The following CADM2 variants were observed in gnomAD, a reference collection of about 807,000 sequenced individuals.
CADM2 encodes the protein cell adhesion molecule 2, also known as immunoglobulin superfamily member 4D.
Under a neutral mutation model 49.8 loss-of-function variants are expected in CADM2, and 12 were observed. That is an observed-to-expected ratio of 0.24 (90% CI 0.15 to 0.39). The LOEUF (loss-of-function observed/expected upper bound fraction) is 0.39. Ranked by LOEUF, CADM2 falls within the 10% of genes least tolerant of loss-of-function variation. The probability of loss-of-function intolerance (pLI) is 1.00; values close to 1 mark genes in which losing one functional copy is unlikely to be tolerated. For missense variants in CADM2, 378 were observed against 492.3 expected (o/e 0.77, Z 2.20); for synonymous variants, 214 against 175.4 (o/e 1.22, Z -1.74).
At chr3:85,881,822 T>C (rs888451450) in intron 3 of CADM2, among the ~76,000 whole-genome samples, 13 of 152,114 alleles carry the variant, frequency 8.5e-5, no homozygotes, top group African/African-American at 2.9e-4. Flanking sequence ...GGGCGGTATG[T>C]GTGGGGGATG....
intron 1 of CADM2, among the ~76,000 whole-genome samples, chr3:85,576,073 G>A (rs2062625048): frequency 6.6e-6 from 1 of 152,088 alleles, no homozygotes; most frequent in South Asian, 2.1e-4. Flanking sequence ...AAATGATTTT[G>A]CATTTCTATA....
intron 6 of CADM2, among the ~76,000 whole-genome samples, chr3:85,929,305 G>C (rs1288822733): frequency 6.6e-6 from 1 of 151,928 alleles, no homozygotes; most frequent in African/African-American, 2.4e-5. Context: ...ATTTGGTTTA[G>C]AAAATATTCC....
intron 1 of CADM2, among the ~76,000 whole-genome samples, chr3:85,545,341 A>G (rs1158713236): frequency 6.6e-6 from 1 of 152,166 alleles, no homozygotes; most frequent in Non-Finnish European, 1.5e-5. Context: ...TGTGTATTCC[A>G]CACACAGTCT....
chr3:85,828,366 T>C (rs539229284), intron 3 of CADM2, among the ~76,000 whole-genome samples: 2 of 152,064 alleles, frequency 1.3e-5, no homozygotes, highest in Non-Finnish European at 2.9e-5. Flanking sequence ...ATAGGAATTT[T>C]AAAACAGGAA....
At chr3:85,396,206 T>C (rs1280884035) in intron 1 of CADM2, among the ~76,000 whole-genome samples, 2 of 151,748 alleles carry the variant, frequency 1.3e-5, no homozygotes, top group East Asian at 1.9e-4. Flanking sequence ...CATCGGTAAA[T>C]GTAGATTAGT....
intron 8 of CADM2, among the ~76,000 whole-genome samples, chr3:86,037,310 A>T (rs1406153177): frequency 6.6e-6 from 1 of 152,228 alleles, no homozygotes; most frequent in East Asian, 1.9e-4. Context: ...GCACAAGAAG[A>T]AATGTTGGCA....
Position 85,770,758 on chromosome 3 carries a change from A to C in CADM2, c.89-31289A>C, listed in dbSNP as rs902885268. On this transcript the variant is annotated intron_variant, in intron 2 of 9. Transcript: ENST00000383699. ...CTGTAATTGTCTGGGCTATCCCTTCAAATTTGTTAACTAACTTCCTTTCTC... is the reference window on the plus strand; with the variant it reads ...CTGTAATTGTCTGGGCTATCCCTTCCAATTTGTTAACTAACTTCCTTTCTC... Among the ~76,000 whole-genome samples the C allele has an allele frequency of 2.0e-5, 3 of 152,270 alleles. No individual in the cohort carries two copies. The East Asian group carries it at 5.8e-4, about 29-fold the overall frequency.
chr3:85,384,502 C>T (rs1395881365), intron 1 of CADM2, among the ~76,000 whole-genome samples: 1 of 151,822 alleles, frequency 6.6e-6, no homozygotes. Context: ...TTAGTAGAGA[C>T]GAGGTTTCAC....
At chr3:85,687,415 A>G (rs1227536750) in intron 1 of CADM2, among the ~76,000 whole-genome samples, 1 of 152,166 alleles carries the variant, frequency 6.6e-6, no homozygotes, top group East Asian at 1.9e-4. Flanking sequence ...AGAATTGTGG[A>G]GAGAAAAACG....
chr3:84,972,202 A>T (rs2107095982), intron 1 of CADM2, among the ~76,000 whole-genome samples: 1 of 152,330 alleles, frequency 6.6e-6, no homozygotes. Context: ...TTGGAACCAC[A>T]TTCATTCTTT....
intron 2 of CADM2, among the ~76,000 whole-genome samples, chr3:85,780,168 G>T (rs985089175): frequency 3.9e-5 from 6 of 152,002 alleles, no homozygotes; most frequent in African/African-American, 1.4e-4. Flanking sequence ...CATTTGCTTT[G>T]TTAATGCTGC....
intron 2 of CADM2, among the ~76,000 whole-genome samples, chr3:85,782,685 AG>A (rs1364879905): frequency 4.6e-5 from 7 of 151,912 alleles, no homozygotes; most frequent in Non-Finnish European, 8.8e-5. Flanking sequence ...AAAAGAAAAA[AG>A]AAATATACTC....
At chr3:85,705,928 C>T (rs1043107145) in intron 1 of CADM2, among the ~76,000 whole-genome samples, 30 of 152,154 alleles carry the variant, frequency 2.0e-4, no homozygotes, top group African/African-American at 7.0e-4. Flanking sequence ...ATAACTTGCT[C>T]ATTGTGGCAT....
At chr3:85,038,752 C>T (rs952886680) in intron 1 of CADM2, among the ~76,000 whole-genome samples, 1 of 152,064 alleles carries the variant, frequency 6.6e-6, no homozygotes, top group Non-Finnish European at 1.5e-5. Flanking sequence ...CAGCAAATCA[C>T]TCAATTATAA....
At chr3:85,158,096 A>C (rs1403666530) in intron 1 of CADM2, among the ~76,000 whole-genome samples, 3 of 152,258 alleles carry the variant, frequency 2.0e-5, no homozygotes, top group Non-Finnish European at 4.4e-5. Context: ...AAAAATGCTC[A>C]CCATCACTGG....
At position 85,217,918 on chromosome 3, in the gene CADM2, A is replaced by T. The variant is rs2041963673; in HGVS notation, c.61+258250A>T. On this transcript the variant is annotated intron_variant, in intron 1 of 9. Coordinates refer to ENST00000383699, the MANE Select transcript of CADM2 (RefSeq NM_001167675.2). The stretch of plus-strand genomic sequence containing the variant: ...TTAGCCTTTTAAATAATTTTAACAT[A>T]ATGGTCACCTTTTTTATTCTCTTTA... 2.0e-5 allele frequency among the ~76,000 whole-genome samples: 3 copies of T among 152,190 alleles called. No homozygotes were observed. In the South Asian group the frequency reaches 6.2e-4, roughly 32 times the overall value.
chr3:85,521,161 A>G (rs2061018919), intron 1 of CADM2, among the ~76,000 whole-genome samples: 1 of 152,170 alleles, frequency 6.6e-6, no homozygotes, highest in Admixed American at 6.5e-5. Context: ...TTTCCTCAAA[A>G]ATGAAACTCT....
chr3:85,726,112 G>A (rs1365232514), intron 1 of CADM2, among the ~76,000 whole-genome samples: 1 of 151,986 alleles, frequency 6.6e-6, no homozygotes, highest in Non-Finnish European at 1.5e-5. Flanking sequence ...TCAAATGATG[G>A]AAGTGGCCTG....
At chr3:85,736,024 A>G (rs923227434) in intron 2 of CADM2, among the ~76,000 whole-genome samples, 3 of 152,184 alleles carry the variant, frequency 2.0e-5, no homozygotes, top group East Asian at 1.9e-4. Flanking sequence ...ATGCATGAGT[A>G]TAGCTAGAGA....
Sources: allele counts gnomAD v4.1 joint callset (sites outside exome capture counted in the v4.1 genomes callset), GRCh38; gene constraint gnomAD v4.1.1; transcripts MANE v1.5; gene names NCBI Gene and HGNC (gene_info 2026-07-23, HGNC 2026-07-21).